AUH: variants seen among roughly 807,000 people sequenced by gnomAD.
AUH encodes methylglutaconyl-CoA hydratase, mitochondrial.
Under a neutral mutation model 42.3 loss-of-function variants are expected in AUH, and 29 were observed. The observed-to-expected ratio is 0.69, with a 90% CI of 0.51 to 0.93. AUH has a LOEUF of 0.93. AUH is among the 40% of genes least tolerant of loss of function. The pLI is 0.00. For synonymous variants in AUH, 174 were observed against 166.4 expected (o/e 1.05, Z -0.35); for missense variants, 452 against 438.1 (o/e 1.03, Z -0.28).
At chr9:91,347,533 C>T (rs1019607395) in intron 3 of AUH, among the ~76,000 whole-genome samples, 43 of 151,894 alleles carry the variant, frequency 2.8e-4, no homozygotes, top group Non-Finnish European at 5.4e-4. Context: ...TTCTGACAAG[C>T]TGCCCCCCCA....
intron 6 of AUH, among the ~76,000 whole-genome samples, chr9:91,239,897 GA>G (rs1361429859): frequency 5.3e-5 from 8 of 152,128 alleles, no homozygotes; most frequent in Non-Finnish European, 1.2e-4. Flanking sequence ...ATCAGGACTG[GA>G]ATGGGGAAGG....
intron 7 of AUH, 88 bp from the exon 8 acceptor site, chr9:91,217,415 T>C (rs1035023643): frequency 2.2e-6 from 3 of 1,390,848 alleles, no homozygotes; most frequent in Non-Finnish European, 2.0e-6. Flanking sequence ...TTCCCACCAC[T>C]GGATCCATTG....
chr9:91,334,717 T>A (rs1830577660), intron 3 of AUH, among the ~76,000 whole-genome samples: 1 of 152,220 alleles, frequency 6.6e-6, no homozygotes, highest in African/African-American at 2.4e-5. Flanking sequence ...ATGGTAATTT[T>A]AAGTTGCATT....
intron 4 of AUH, among the ~76,000 whole-genome samples, chr9:91,309,394 CCTT>C (rs1222266838): frequency 1.3e-5 from 2 of 152,114 alleles, no homozygotes; most frequent in Admixed American, 6.5e-5. Context: ...ATCACACTCT[CCTT>C]CTTGAAACAT....
intron 6 of AUH, among the ~76,000 whole-genome samples, chr9:91,248,005 T>A (rs1828893538): frequency 1.3e-5 from 2 of 152,344 alleles, no homozygotes; most frequent in South Asian, 4.2e-4. Flanking sequence ...CAAAAGACAT[T>A]CTTAACTTCA....
intron 3 of AUH, among the ~76,000 whole-genome samples, chr9:91,337,511 T>C (rs534565050): frequency 4.1e-4 from 63 of 152,276 alleles, no homozygotes; most frequent in Middle Eastern, 3.4e-3. Flanking sequence ...TCAAGCTCAA[T>C]TGAAGGGCTC....
At chr9:91,309,133 C>T (rs1258504848) in intron 4 of AUH, among the ~76,000 whole-genome samples, 3 of 151,548 alleles carry the variant, frequency 2.0e-5, no homozygotes, top group Admixed American at 2.0e-4. Context: ...AATTGCTGGC[C>T]AGGCGTGGTG....
intron 3 of AUH, among the ~76,000 whole-genome samples, chr9:91,330,624 T>C (rs530930559): frequency 1.5e-4 from 23 of 152,248 alleles, no homozygotes; most frequent in Admixed American, 1.2e-3. Flanking sequence ...CTAAAAGACA[T>C]GTACAAGCAT....
At chr9:91,270,430 G>C (rs1825022582) in intron 6 of AUH, among the ~76,000 whole-genome samples, 2 of 152,114 alleles carry the variant, frequency 1.3e-5, no homozygotes, top group East Asian at 3.9e-4. Context: ...TAGAAACTGG[G>C]GTGTTCTCAG....
rs557881314 is a variant in AUH at position 91,244,855 on chromosome 9, A to G, written c.656-23863T>C. On this transcript the variant is annotated intron_variant, in intron 6 of 9. Transcript: ENST00000375731. The stretch of plus-strand genomic sequence containing the variant: ...GGCAACAATGGATTTACCAAGGTGC[A>G]CCTCTGAAAAATTATTTGAGATGCA... Among the ~76,000 whole-genome samples, 4 of 152,350 alleles carry G rather than the reference A, an allele frequency of 2.6e-5. No homozygotes were observed. In the South Asian group the frequency reaches 6.2e-4, roughly 24 times the overall value.
At chr9:91,305,284 G>T (rs1828122799) in intron 4 of AUH, among the ~76,000 whole-genome samples, 1 of 152,230 alleles carries the variant, frequency 6.6e-6, no homozygotes, top group East Asian at 1.9e-4. Flanking sequence ...AACTACACAT[G>T]AGCTTATTCT....
At chr9:91,237,227 G>C (rs1165611196) in intron 6 of AUH, among the ~76,000 whole-genome samples, 1 of 152,202 alleles carries the variant, frequency 6.6e-6, no homozygotes, top group Non-Finnish European at 1.5e-5. Context: ...CAAATGAAAA[G>C]TCTGGTGGTA....
intron 4 of AUH, among the ~76,000 whole-genome samples, chr9:91,322,123 CA>C (rs1182568606): frequency 6.6e-6 from 1 of 151,686 alleles, no homozygotes; most frequent in African/African-American, 2.4e-5. Flanking sequence ...GAGGAACTCC[CA>C]AGAAAAAATG....
intron 4 of AUH, among the ~76,000 whole-genome samples, chr9:91,311,434 T>C (rs1828694285): frequency 6.6e-6 from 1 of 152,182 alleles, no homozygotes; most frequent in Non-Finnish European, 1.5e-5. Flanking sequence ...CTGTGGAAGA[T>C]CATTTACAAA....
chr9:91,218,529 T>G, intron 7 of AUH: 51 of 804,378 alleles, frequency 6.3e-5, no homozygotes, highest in East Asian at 1.3e-4. Context: ...GAGATGGGCC[T>G]GAGATTCTGC....
intron 3 of AUH, among the ~76,000 whole-genome samples, chr9:91,342,563 G>C (rs1300802056): frequency 1.3e-5 from 2 of 152,176 alleles, no homozygotes; most frequent in Non-Finnish European, 2.9e-5. Context: ...GAAAGGGCAA[G>C]AGTGGAAGCA....
intron 5 of AUH, among the ~76,000 whole-genome samples, chr9:91,297,245 C>T (rs1827416739): frequency 6.6e-6 from 1 of 152,194 alleles, no homozygotes; most frequent in African/African-American, 2.4e-5. Flanking sequence ...CCCCAAAGTA[C>T]CTGCTCTGAG....
chr9:91,289,553 A>C (rs886518836), intron 6 of AUH, among the ~76,000 whole-genome samples: 1 of 152,246 alleles, frequency 6.6e-6, no homozygotes, highest in Non-Finnish European at 1.5e-5. Context: ...AGAAGGGAGA[A>C]AAAAATTAAA....
At chr9:91,330,782 T>A (rs1036659973) in intron 3 of AUH, among the ~76,000 whole-genome samples, 4 of 152,184 alleles carry the variant, frequency 2.6e-5, no homozygotes, top group African/African-American at 9.7e-5. Context: ...ATCCTGCAAA[T>A]ATGTTCAATG....
Sources: gnomAD v4.1 joint callset for allele counts (sites outside exome capture counted in the v4.1 genomes callset) on GRCh38, gnomAD v4.1.1 for gene constraint, MANE v1.5 for transcripts, NCBI Gene and HGNC (gene_info 2026-07-23, HGNC 2026-07-21) for gene names.